A1CF: variants seen among roughly 807,000 people sequenced by gnomAD.
A1CF encodes the protein APOBEC-1 stimulating protein.
In A1CF, 48 loss-of-function variants were observed where a neutral mutation model predicts 68.9. That is an observed-to-expected ratio of 0.70 (90% CI 0.55 to 0.89). The LOEUF (loss-of-function observed/expected upper bound fraction) is 0.89. Among genes scored for constraint, A1CF ranks in the 40% least tolerant of loss-of-function variants. A1CF has a pLI of 0.00. For synonymous variants in A1CF, 272 were observed against 260.4 expected (o/e 1.04, Z -0.43); for missense variants, 653 against 718.9 (o/e 0.91, Z 1.05).
intron 6 of A1CF, among the ~76,000 whole-genome samples, chr10:50,829,627 C>T (rs1232118492): frequency 1.3e-4 from 20 of 152,120 alleles, no homozygotes; most frequent in Non-Finnish European, 2.1e-4. Flanking sequence ...TAGCTGTGAC[C>T]ATCTTGTTCT....
rs146736025 is a variant in A1CF, at chr10:50,807,564, G to A, written c.1610-684C>T. On this transcript the variant is annotated intron_variant, in intron 12 of 12. Transcript: ENST00000373997. ...TCAGAGGCCTTGATGCTGGTTCTCC[G>A]CCTCAGAGAACCAAAGTATCTGAGA... 6.2e-3 allele frequency among the ~76,000 whole-genome samples: 941 copies of A among 152,204 alleles called. 8 individuals carry two copies. The highest frequency in any genetic ancestry group is 0.021 in the African/African-American group (882 of 41,504).
At chr10:50,825,828 T>C (rs1838899020) in intron 7 of A1CF, among the ~76,000 whole-genome samples, 1 of 152,202 alleles carries the variant, frequency 6.6e-6, no homozygotes, top group Non-Finnish European at 1.5e-5. Flanking sequence ...TTTTTACTTA[T>C]GTCACAAGTG....
chr10:50,850,083 G>T (rs1361918261), intron 3 of A1CF, among the ~76,000 whole-genome samples: 2 of 152,114 alleles, frequency 1.3e-5, no homozygotes, highest in Non-Finnish European at 2.9e-5. Flanking sequence ...GATGCAAATG[G>T]CTCTTGGCTC....
chr10:50,850,786 A>G, intron 3 of A1CF: 2 of 1,613,596 alleles, frequency 1.2e-6, no homozygotes. Flanking sequence ...CACTGCTTCC[A>G]TCTATAGGAA....
At chr10:50,818,111 T>A (rs1027632314) in intron 8 of A1CF, among the ~76,000 whole-genome samples, 2 of 152,190 alleles carry the variant, frequency 1.3e-5, no homozygotes, top group Non-Finnish European at 2.9e-5. Flanking sequence ...GTTCTGCATA[T>A]GGCTGTCTCC....
At chr10:50,866,272 T>C (rs1372214413) in intron 1 of A1CF, among the ~76,000 whole-genome samples, 1 of 152,226 alleles carries the variant, frequency 6.6e-6, no homozygotes, top group Non-Finnish European at 1.5e-5. Flanking sequence ...ATAAAGTTGA[T>C]ATTTGTATAC....
chr10:50,819,041 G>T (rs911986533), intron 8 of A1CF, among the ~76,000 whole-genome samples: 28 of 152,156 alleles, frequency 1.8e-4, no homozygotes, highest in African/African-American at 6.8e-4. Flanking sequence ...TGAATTCGGG[G>T]CATTTATTCT....
At chr10:50,818,736 G>A (rs1838491792) in intron 8 of A1CF, among the ~76,000 whole-genome samples, 2 of 151,908 alleles carry the variant, frequency 1.3e-5, no homozygotes, top group South Asian at 4.1e-4. Flanking sequence ...TTTCTTTTTT[G>A]TATTTCAGAG....
chr10:50,844,087 A>C lies in A1CF; in HGVS notation c.135T>G (p.Pro45=). ...TTTCAGGGGGTGCAGCATCCCAACC[A>C]GGTGGAGGGCCACCATATTTTCTTT... is the stretch of plus-strand genomic sequence containing the variant. ...NGQRKYGGPP[P]GWDAAPPERG... Residue 45 remains proline (P), a synonymous_variant, in exon 4 of 13, where the codon CCT becomes CCG. Coordinates refer to ENST00000373997, the MANE Select transcript of A1CF (RefSeq NM_014576.4). 6.2e-7 allele frequency: 1 copy of C among 1,612,514 alleles called. No homozygotes were observed. The highest frequency in any genetic ancestry group is 8.5e-7 in the Non-Finnish European group (1 of 1,179,542).
At position 50,859,823 on chromosome 10, in the gene A1CF, A is replaced by G. The variant is rs1449691167; in HGVS notation, c.99+19T>C. The G allele has an allele frequency of 1.9e-6, 3 of 1,607,844 alleles. No individual in the cohort carries two copies. The highest frequency in any genetic ancestry group is 3.4e-5 in the Admixed American group (2 of 59,638). ...TGCAAATTCAGTGGTGAGTCTCAGC[A>G]GATTTCACAAGTTCCTACCTGGACC... On this transcript the variant is annotated intron_variant, in intron 3 of 12. Transcript: ENST00000373997.
At position 50,806,874 on chromosome 10, in the gene A1CF, G is replaced by A. The variant is rs755220834; in HGVS notation, c.1616C>T (p.Ala539Val). Residue 539 changes from alanine to valine, a missense_variant, in exon 13 of 13, where the codon GCT becomes GTT. By Grantham distance (64) the Ala-to-Val change is moderately conservative (BLOSUM62 0). Transcript: ENST00000373997. ...CACGGGTGCAGTTGCATTAGGGACA[G>A]CATATCCTGGAGGAAGAGGCAGAGA... ...AAAATAFPGY[A>V]VPNATAPVSA... 5.0e-6 allele frequency: 8 copies of A among 1,605,598 alleles called. No homozygotes were observed. The South Asian group carries it at 9.0e-5, about 18-fold the overall frequency.
At chr10:50,810,603 T>C (rs1838059185) in intron 11 of A1CF, among the ~76,000 whole-genome samples, 1 of 152,028 alleles carries the variant, frequency 6.6e-6, no homozygotes, top group Non-Finnish European at 1.5e-5. Context: ...GCCTGCTGAG[T>C]AACTATGACT....
chr10:50,884,999 AT>A (rs1336702711), intron 1 of A1CF, among the ~76,000 whole-genome samples: 1 of 152,174 alleles, frequency 6.6e-6, no homozygotes, highest in Non-Finnish European at 1.5e-5. Flanking sequence ...TTTCCATAAT[AT>A]TTTTTTGGTC....
intron 7 of A1CF, among the ~76,000 whole-genome samples, chr10:50,821,157 C>CAGAG (rs1201905788): frequency 6.6e-5 from 10 of 152,162 alleles, no homozygotes; most frequent in Admixed American, 2.0e-4. Flanking sequence ...AGAGTGCACA[C>CAGAG]AGAGAGGAAC....
Position 50,828,156 on chromosome 10 carries a change from T to A in A1CF, c.744A>T (p.Glu248Asp). 3 of 1,590,324 alleles carry A rather than the reference T, an allele frequency of 1.9e-6. No homozygotes were observed. The highest frequency in any genetic ancestry group is 2.6e-6 in the Non-Finnish European group (3 of 1,164,264). Residue 248 changes from glutamate (E) to aspartate (D), a missense_variant, in exon 7 of 13, where the codon GAA becomes GAT. Physicochemically the swap from Glu to Asp is conservative, Grantham distance 45. Coordinates refer to ENST00000373997, the MANE Select transcript of A1CF (RefSeq NM_014576.4). ...LMLSTSEEMI[E>D]KEFNNIKPGA... ...CTGGTTTGATATTGTTGAATTCCTT[T>A]TCAATCATCTCTTCAGAGGTAGACA...
At position 50,864,084 on chromosome 10, in the gene A1CF, G is replaced by T. The variant is rs1050824207; in HGVS notation, c.-93-4C>A. The T allele has an allele frequency of 6.6e-6, 1 of 152,256 alleles. No individual in the cohort carries two copies. The highest frequency in any genetic ancestry group is 1.9e-4 in the East Asian group (1 of 5,182). 9.4% of individuals were successfully genotyped at this position (152,256 alleles called of 1,614,324 possible). On this transcript the variant is annotated splice_polypyrimidine_tract_variant and splice_region_variant and intron_variant, in intron 1 of 12. Coordinates refer to ENST00000373997, the MANE Select transcript of A1CF (RefSeq NM_014576.4). ...GTTTTTGGCACAGCACTGTTATCTAGTTGAGGATGGGTGAGAGCAGAAAGG... is the reference window on the plus strand; with the variant it reads ...GTTTTTGGCACAGCACTGTTATCTATTTGAGGATGGGTGAGAGCAGAAAGG...
intron 11 of A1CF, among the ~76,000 whole-genome samples, chr10:50,810,547 T>C (rs191804783): frequency 1.3e-5 from 2 of 152,252 alleles, no homozygotes; most frequent in African/African-American, 4.8e-5. Context: ...AGTGGTACAA[T>C]CTAAGCAAAC....
Position 50,862,431 on chromosome 10 carries a change from G to C in A1CF, c.-46+1602C>G, listed in dbSNP as rs188451296. ...TCAAAGGAAAAAATGAGATTATCAA[G>C]AGTTAGCTGTTTTTAGGGACAGAAC... On this transcript the variant is annotated intron_variant, in intron 2 of 12. Coordinates refer to ENST00000373997, the MANE Select transcript of A1CF (RefSeq NM_014576.4). Among the ~76,000 whole-genome samples, 289 of 152,164 alleles carry C rather than the reference G, an allele frequency of 1.9e-3. 1 individual carries two copies. Among genetic ancestry groups the C allele is most frequent in the Middle Eastern group, 6.8e-3 (2 of 294 alleles).
In A1CF at chr10:50,806,535, A is replaced by T; in HGVS notation, c.*194T>A. The T allele has an allele frequency of 2.3e-6, 1 of 432,786 alleles. No individual in the cohort carries two copies. Among genetic ancestry groups the T allele is most frequent in the Non-Finnish European group, 3.7e-6 (1 of 270,296 alleles). The allele number at this position is 432,786 out of a possible 1,614,324, so 26.8% of individuals were successfully genotyped here. A position where few individuals can be genotyped will look rare whatever the true frequency, so the allele number is the denominator to read the frequency against. ...CTTTCTGTTAAACAAAAGGCTCTTTAACATTTGATTTCATTTCAGAATAAC... is the reference window on the plus strand; with the variant it reads ...CTTTCTGTTAAACAAAAGGCTCTTTTACATTTGATTTCATTTCAGAATAAC... On this transcript the variant is annotated 3_prime_UTR_variant, in exon 13 of 13. Transcript: ENST00000373997.
Sources: allele counts gnomAD v4.1 joint callset (sites outside exome capture counted in the v4.1 genomes callset), GRCh38; gene constraint gnomAD v4.1.1; transcripts MANE v1.5; gene names NCBI Gene and HGNC (gene_info 2026-07-23, HGNC 2026-07-21).